ARAP2: variants seen among roughly 807,000 people sequenced by gnomAD.
ARAP2 encodes ArfGAP with RhoGAP domain, ankyrin repeat and PH domain 2, also known as arf-GAP with Rho-GAP domain, ANK repeat and PH domain-containing protein 2.
Under a neutral mutation model 194.5 loss-of-function variants are expected in ARAP2, and 148 were observed. The ratio of observed to expected loss-of-function variants is 0.76; its 90% CI spans 0.67 to 0.87. ARAP2 has a LOEUF of 0.87. Among genes scored for constraint, ARAP2 ranks in the 40% least tolerant of loss-of-function variants. The probability of loss-of-function intolerance (pLI) is 0.00; values close to 1 mark genes in which losing one functional copy is unlikely to be tolerated. For synonymous variants in ARAP2, 695 were observed against 683.5 expected, an observed-to-expected ratio of 1.02 and a Z score of -0.26; for missense variants, 2,128 against 1,989.7, an observed-to-expected ratio of 1.07 and a Z score of -1.32.
rs563919233 is a variant in ARAP2 at position 36,228,746 on chromosome 4, C to T, written c.741G>A (p.Lys247=). The T allele has an allele frequency of 6.2e-7, 1 of 1,614,110 alleles. No individual in the cohort carries two copies. Among genetic ancestry groups the T allele is most frequent in the Admixed American group, 1.7e-5 (1 of 60,016 alleles). The change falls in exon 2 of 33, where the codon AAG becomes AAA. Residue 247 remains lysine (K), a synonymous_variant. Coordinates refer to ENST00000303965, the MANE Select transcript of ARAP2 (RefSeq NM_015230.4). The part of the protein sequence containing the change: ...LEGSPPSPFF[K]FQGEMIVNDL... ...CATTTACAATCATTTCTCCTTGAAA[C>T]TTAAAGAATGGGGATGGTGGTGATC...
Position 36,212,497 on chromosome 4 carries a change from A to T in ARAP2, c.1042-10T>A. The T allele has an allele frequency of 6.2e-7, 1 of 1,603,628 alleles. No individual in the cohort carries two copies. The highest frequency in any genetic ancestry group is 8.5e-7 in the Non-Finnish European group (1 of 1,172,210). ...TCTTTATAGATCGCTTCTATTAAAA[A>T]AGCAAACAAACAAAAAACACATACT... On this transcript the variant is annotated splice_polypyrimidine_tract_variant and intron_variant, in intron 4 of 32. Coordinates refer to ENST00000303965, the MANE Select transcript of ARAP2 (RefSeq NM_015230.4).
At position 36,128,730 on chromosome 4, in the gene ARAP2, T is replaced by G; in HGVS notation, c.3443A>C (p.Tyr1148Ser). The change falls in exon 21 of 33, where the codon TAT becomes TCT. Residue 1148 changes from tyrosine to serine, a missense_variant. Transcript: ENST00000303965. ...FVTQYGLGCKYIYQKNGDPLH... is the reference protein window; with the variant it reads ...FVTQYGLGCKSIYQKNGDPLH... The stretch of plus-strand genomic sequence containing the variant: ...AGGATCACCATTCTTTTGATAGATA[T>G]ATTTGCATCCTAAACCTTTGTTTAA... The G allele has an allele frequency of 6.3e-7, 1 of 1,596,474 alleles. No individual in the cohort carries two copies. Among genetic ancestry groups the G allele is most frequent in the South Asian group, 1.1e-5 (1 of 90,022 alleles).
Position 36,067,956 on chromosome 4 carries a change from C to T in ARAP2, c.5066G>A (p.Arg1689Gln), listed in dbSNP as rs145069415. 306 of 1,612,084 alleles carry T rather than the reference C, an allele frequency of 1.9e-4. No homozygotes were observed. Among genetic ancestry groups the T allele is most frequent in the Non-Finnish European group, 2.5e-4 (295 of 1,178,976 alleles). ...VIEELNVVLQ[R>Q]SRTLPKELQD... is the part of the protein sequence containing the mutation. ...TAATTCTTTTGGAAGGGTTCTTGAC[C>T]GTTGTAGAACCACATTAAGTTCTTC... The change falls in exon 33 of 33, where the codon CGG becomes CAG. Residue 1689 changes from arginine (R) to glutamine (Q), a missense_variant. Coordinates refer to ENST00000303965, the MANE Select transcript of ARAP2 (RefSeq NM_015230.4).
intron 2 of ARAP2, among the ~76,000 whole-genome samples, chr4:36,052,597 A>C (rs1722848609): frequency 6.6e-6 from 1 of 152,232 alleles, no homozygotes; most frequent in African/African-American, 2.4e-5. Flanking sequence ...TTTATTATGC[A>C]AATATTTGAA....
intron 32 of ARAP2, among the ~76,000 whole-genome samples, chr4:36,072,594 T>C (rs956659588): frequency 2.0e-5 from 3 of 150,842 alleles, no homozygotes; most frequent in Non-Finnish European, 4.4e-5. Context: ...TCCTGGGAAA[T>C]GTAACTCTTA....
intron 20 of ARAP2, among the ~76,000 whole-genome samples, chr4:36,131,061 G>A (rs919452687): frequency 6.6e-6 from 1 of 151,776 alleles, no homozygotes; most frequent in Non-Finnish European, 1.5e-5. Flanking sequence ...AATGAGCACA[G>A]AAAATTGGTC....
chr4:36,045,253 C>T (rs933034430), intron 5 of ARAP2, among the ~76,000 whole-genome samples: 10 of 152,152 alleles, frequency 6.6e-5, no homozygotes, highest in African/African-American at 2.4e-4. Flanking sequence ...AAATTCATCA[C>T]AGCATTATTC....
At chr4:36,126,497 T>C (rs776947265) in intron 21 of ARAP2, among the ~76,000 whole-genome samples, 10 of 151,964 alleles carry the variant, frequency 6.6e-5, no homozygotes, top group South Asian at 2.1e-4. Context: ...CATATAAATA[T>C]AGGTGGTACA....
intron 24 of ARAP2, 101 bp downstream of exon 24, chr4:36,119,549 C>T: frequency 1.3e-6 from 1 of 790,424 alleles, no homozygotes; most frequent in Non-Finnish European, 1.9e-6. Flanking sequence ...TTTTACTTTG[C>T]TTAAAATAGG....
rs1222048666 is a variant in ARAP2, at chr4:36,229,532, G to A, written c.-46C>T. The A allele has an allele frequency of 1.4e-6, 2 of 1,439,858 alleles. No homozygotes were observed. The highest frequency in any genetic ancestry group is 1.9e-6 in the Non-Finnish European group (2 of 1,051,180). 89.2% of individuals were successfully genotyped at this position (1,439,858 alleles called of 1,614,324 possible). A position where few individuals can be genotyped will look rare whatever the true frequency, so the allele number is the denominator to read the frequency against. ...GCTGAGTTACAAAAAGTGGCACGATGAGACACACACACAAGAAGATGTACT... is the reference window on the plus strand; with the variant it reads ...GCTGAGTTACAAAAAGTGGCACGATAAGACACACACACAAGAAGATGTACT... On this transcript the variant is annotated 5_prime_UTR_variant, in exon 2 of 33. Transcript: ENST00000303965.
chr4:36,209,471 G>A (rs982731072), intron 6 of ARAP2: 11 of 384,760 alleles, frequency 2.9e-5, no homozygotes, highest in African/African-American at 1.5e-4. Context: ...ATACAATTTC[G>A]GGGTGTTTTG....
intron 21 of ARAP2, among the ~76,000 whole-genome samples, chr4:36,127,986 A>G (rs1446856350): frequency 2.0e-5 from 3 of 152,042 alleles, no homozygotes; most frequent in Non-Finnish European, 4.4e-5. Flanking sequence ...GAGGGATTTA[A>G]TAAACTCCTT....
chr4:36,218,759 A>G (rs1358704015), intron 2 of ARAP2, among the ~76,000 whole-genome samples: 1 of 152,208 alleles, frequency 6.6e-6, no homozygotes, highest in African/African-American at 2.4e-5. Flanking sequence ...TTAAAAAGTC[A>G]CAATTAAGGA....
At position 36,148,464 on chromosome 4, in the gene ARAP2, A is replaced by G; in HGVS notation, c.2941T>C (p.Phe981Leu). The G allele has an allele frequency of 1.2e-6, 2 of 1,613,386 alleles. No homozygotes were observed. Among genetic ancestry groups the G allele is most frequent in the Non-Finnish European group, 1.7e-6 (2 of 1,179,534 alleles). The change falls in exon 17 of 33, where the codon TTT (phenylalanine) becomes CTT (leucine). Residue 981 changes from phenylalanine (F) to leucine (L), a missense_variant. Phe to Leu is a conservative substitution (Grantham distance 22). Coordinates refer to ENST00000303965, the MANE Select transcript of ARAP2 (RefSeq NM_015230.4). ...TGAGATGTTTCAGCTCCAAATAAAA[A>G]CACACGTTCGGAGGGTAAGTAGATC... Reference protein sequence around the residue: ...FEIYLPSERVFLFGAETSQAQ... With the variant: ...FEIYLPSERVLLFGAETSQAQ...
chr4:36,057,346 A>AG (rs1289885610), intron 2 of ARAP2, among the ~76,000 whole-genome samples: 1 of 150,296 alleles, frequency 6.7e-6, no homozygotes, highest in East Asian at 1.9e-4. Flanking sequence ...AATTTTGTGT[A>AG]GGTTTTTTTT....
chr4:36,125,800 T>C (rs1263812593), intron 21 of ARAP2, among the ~76,000 whole-genome samples: 1 of 151,992 alleles, frequency 6.6e-6, no homozygotes, highest in Non-Finnish European at 1.5e-5. Flanking sequence ...TTTAAATAAA[T>C]CACTTGTGCT....
chr4:36,155,374 G>T (rs143406791), intron 15 of ARAP2, among the ~76,000 whole-genome samples: 1 of 152,308 alleles, frequency 6.6e-6, no homozygotes, highest in African/African-American at 2.4e-5. Context: ...CTTTAGCAGG[G>T]TGCCAGAGAG....
chr4:36,030,543 C>T (rs139590347), intron 5 of ARAP2, among the ~76,000 whole-genome samples: 4,002 of 152,054 alleles, frequency 0.026, 89 homozygotes, highest in Non-Finnish European at 0.043. Flanking sequence ...CACCTTGAAA[C>T]GTAGATCTGT....
chr4:36,237,564 C>T (rs1281954122), intron 1 of ARAP2, among the ~76,000 whole-genome samples: 1 of 152,166 alleles, frequency 6.6e-6, no homozygotes, highest in Non-Finnish European at 1.5e-5. Flanking sequence ...CCTGGCACCT[C>T]CTCCATCTCT....
Sources: allele counts gnomAD v4.1 joint callset (sites outside exome capture counted in the v4.1 genomes callset), GRCh38; gene constraint gnomAD v4.1.1; transcripts MANE v1.5; gene names NCBI Gene and HGNC (gene_info 2026-07-23, HGNC 2026-07-21).